Variants in PEAK1 observed in about 807,000 individuals in gnomAD.
The protein encoded by PEAK1 is inactive tyrosine-protein kinase PEAK1.
In PEAK1, 54 loss-of-function variants were observed where a neutral mutation model predicts 124.7. That is an observed-to-expected ratio of 0.43 (90% CI 0.35 to 0.54). PEAK1 has a LOEUF of 0.54. Among genes scored for constraint, PEAK1 ranks in the 20% least tolerant of loss-of-function variants. The probability of loss-of-function intolerance (pLI) is 0.01; values close to 1 mark genes in which losing one functional copy is unlikely to be tolerated. For synonymous variants in PEAK1, 719 were observed against 760.0 expected, an observed-to-expected ratio of 0.95 and a Z score of 0.89; for missense variants, 2,046 against 2,134.5, an observed-to-expected ratio of 0.96 and a Z score of 0.82.
chr15:77,213,853 T>C (rs576874712), intron 6 of PEAK1, among the ~76,000 whole-genome samples: 1 of 152,188 alleles, frequency 6.6e-6, no homozygotes, highest in African/African-American at 2.4e-5. Context: ...TTGTATACAA[T>C]TGTATAACCA....
intron 5 of PEAK1, among the ~76,000 whole-genome samples, chr15:77,276,749 T>G (rs957597558): frequency 1.3e-5 from 2 of 152,110 alleles, no homozygotes; most frequent in Non-Finnish European, 2.9e-5. Context: ...GCAAAAATTA[T>G]AATGCTGTAT....
chr15:77,351,015 G>T, intron 2 of PEAK1: 2 of 884,928 alleles, frequency 2.3e-6, no homozygotes, highest in Non-Finnish European at 2.7e-6. Context: ...ATTGGTATTA[G>T]AGAAATACCA....
chr15:77,205,274 TTA>T (rs2058581923), intron 6 of PEAK1, among the ~76,000 whole-genome samples: 2 of 148,102 alleles, frequency 1.4e-5, no homozygotes, highest in Non-Finnish European at 3.0e-5. Flanking sequence ...ATGCCTTTTT[TTA>T]AAAAAAAAAA....
intron 9 of PEAK1, among the ~76,000 whole-genome samples, chr15:77,118,476 A>G (rs1274629028): frequency 1.3e-5 from 2 of 152,208 alleles, no homozygotes; most frequent in African/African-American, 4.8e-5. Flanking sequence ...CTAGTTCAAA[A>G]GTTATTTCAG....
At chr15:77,223,976 G>T (rs1392505557) in intron 6 of PEAK1, among the ~76,000 whole-genome samples, 2 of 144,636 alleles carry the variant, frequency 1.4e-5, no homozygotes, top group Admixed American at 7.2e-5. Context: ...GAAGACTGCT[G>T]TCAAAATCTG....
intron 8 of PEAK1, among the ~76,000 whole-genome samples, chr15:77,140,827 C>T (rs1186980784): frequency 6.6e-6 from 1 of 151,808 alleles, no homozygotes; most frequent in Non-Finnish European, 1.5e-5. Flanking sequence ...CTTGACCTCC[C>T]AGGCTCAAGT....
In PEAK1 at chr15:77,113,971, A is replaced by T. The variant is rs2051132283; in HGVS notation, c.*185T>A. The T allele has an allele frequency of 4.7e-6, 3 of 631,960 alleles. No homozygotes were observed. Among genetic ancestry groups the T allele is most frequent in the Non-Finnish European group, 8.1e-6 (3 of 370,924 alleles). 39.1% of individuals were successfully genotyped at this position (631,960 alleles called of 1,614,324 possible). On this transcript the variant is annotated 3_prime_UTR_variant, in exon 10 of 10. Transcript: ENST00000682557. ...AGCTGAATTTCTGTAAAGTTAAGACAGACTCAGCTTCTCATTCAATCTGGG... is the reference window on the plus strand; with the variant it reads ...AGCTGAATTTCTGTAAAGTTAAGACTGACTCAGCTTCTCATTCAATCTGGG...
intron 7 of PEAK1, among the ~76,000 whole-genome samples, chr15:77,175,423 C>G (rs1470529427): frequency 1.6e-4 from 24 of 151,188 alleles, no homozygotes; most frequent in African/African-American, 5.6e-4. Flanking sequence ...ACAAACAACC[C>G]CATCAAAAAG....
At chr15:77,274,114 C>T (rs530622613) in intron 5 of PEAK1, among the ~76,000 whole-genome samples, 5 of 152,258 alleles carry the variant, frequency 3.3e-5, no homozygotes, top group African/African-American at 1.2e-4. Context: ...TCACCTTATA[C>T]AAAAATCCAC....
rs1261849474 is a variant in PEAK1, at chr15:77,181,120, T to A, written c.807A>T (p.Gln269His). 1 of 1,614,140 alleles carries A rather than the reference T, an allele frequency of 6.2e-7. No individual in the cohort carries two copies. Among genetic ancestry groups the A allele is most frequent in the Non-Finnish European group, 8.5e-7 (1 of 1,180,012 alleles). The change falls in exon 7 of 10, where the codon CAA becomes CAT. Residue 269 changes from glutamine to histidine, a missense_variant. Physicochemically the swap from Gln to His is conservative, Grantham distance 24. Coordinates refer to ENST00000682557, the MANE Select transcript of PEAK1 (RefSeq NM_001385026.1). ...TTGCTCTGAAGTTGGCAAAGCGAGG[T>A]TGCCCTCTCATGCGAATCTCCATGG... ...LLAMEIRMRG[Q>H]PRFANFRANT... is the part of the protein sequence containing the mutation.
At chr15:77,150,606 C>A (rs2054531010) in intron 8 of PEAK1, among the ~76,000 whole-genome samples, 1 of 151,854 alleles carries the variant, frequency 6.6e-6, no homozygotes, top group Admixed American at 6.6e-5. Flanking sequence ...TGGTGTGCTG[C>A]ACCCATTAAC....
intron 9 of PEAK1, among the ~76,000 whole-genome samples, chr15:77,120,042 G>C (rs2051765675): frequency 3.9e-5 from 6 of 152,208 alleles, no homozygotes; most frequent in Admixed American, 3.3e-4. Context: ...AAGTCAGAGG[G>C]ATAGGGGGAA....
intron 8 of PEAK1, among the ~76,000 whole-genome samples, chr15:77,138,919 T>C (rs935972635): frequency 1.3e-5 from 2 of 152,118 alleles, no homozygotes; most frequent in Non-Finnish European, 2.9e-5. Flanking sequence ...TCTTTCCCTA[T>C]TTAAACAAAA....
chr15:77,289,714 T>C (rs893120382), intron 2 of PEAK1, among the ~76,000 whole-genome samples: 1 of 152,066 alleles, frequency 6.6e-6, no homozygotes, highest in Non-Finnish European at 1.5e-5. Flanking sequence ...CACAAGCCTG[T>C]AATCCCAGCT....
chr15:77,284,352 T>A (rs550526441), intron 4 of PEAK1, among the ~76,000 whole-genome samples: 2 of 152,302 alleles, frequency 1.3e-5, no homozygotes, highest in South Asian at 4.1e-4. Context: ...AAAAATCTAC[T>A]GATAGGATAA....
At chr15:77,402,244 A>G (rs2071434135) in intron 1 of PEAK1, 7 of 984,884 alleles carry the variant, frequency 7.1e-6, no homozygotes, top group Non-Finnish European at 8.4e-6. Flanking sequence ...TAAAATTCAG[A>G]ATGGAACAGA....
rs188937012 is a variant in PEAK1 at position 77,199,812 on chromosome 15, A to T, written c.-114-17772T>A. Among the ~76,000 whole-genome samples, 62 of 152,282 alleles carry T rather than the reference A, an allele frequency of 4.1e-4. 2 individuals carry two copies. The East Asian group carries it at 0.012, about 29-fold the overall frequency. On this transcript the variant is annotated intron_variant, in intron 6 of 9. Transcript: ENST00000682557. ...CCAGCGCCAGACAATGAAGATGAAGATGTAGAAGAAGCAGTGCCAGAAAAC... is the reference window on the plus strand; with the variant it reads ...CCAGCGCCAGACAATGAAGATGAAGTTGTAGAAGAAGCAGTGCCAGAAAAC...
At chr15:77,418,829 G>A (rs2073103744) in intron 1 of PEAK1, 1 of 978,896 alleles carries the variant, frequency 1.0e-6, no homozygotes. Flanking sequence ...TTTATCGGGG[G>A]AAAAAAAAAG....
intron 6 of PEAK1, among the ~76,000 whole-genome samples, chr15:77,225,003 C>T (rs946565257): frequency 6.6e-6 from 1 of 151,984 alleles, no homozygotes; most frequent in Non-Finnish European, 1.5e-5. Context: ...CAATGTTCCT[C>T]AATTAATTTC....
Sources: allele counts gnomAD v4.1 joint callset (sites outside exome capture counted in the v4.1 genomes callset), GRCh38; gene constraint gnomAD v4.1.1; transcripts MANE v1.5; gene names NCBI Gene and HGNC (gene_info 2026-07-23, HGNC 2026-07-21).